HDHD2: variants seen among roughly 807,000 people sequenced by gnomAD.
HDHD2 encodes the protein haloacid dehalogenase like hydrolase domain containing 2.
In HDHD2, 26 loss-of-function variants were observed where a neutral mutation model predicts 24.8. The observed-to-expected ratio is 1.05, with a 90% CI of 0.77 to 1.45. HDHD2 has a LOEUF of 1.45. Ranked by LOEUF, HDHD2 falls within the 40% of genes most tolerant of loss-of-function variation. The pLI is 0.00. For missense variants in HDHD2, 299 were observed against 313.4 expected, an observed-to-expected ratio of 0.95 and a Z score of 0.35; for synonymous variants, 128 against 114.9, an observed-to-expected ratio of 1.11 and a Z score of -0.73.
At chr18:47,139,978 C>T (rs747981000) in intron 1 of HDHD2, among the ~76,000 whole-genome samples, 1 of 152,166 alleles carries the variant, frequency 6.6e-6, no homozygotes, top group Non-Finnish European at 1.5e-5. Flanking sequence ...TTGCTGAAGC[C>T]TCCTGTAAGA....
Position 47,114,245 on chromosome 18 carries a change from G to T in HDHD2, c.612+887C>A, listed in dbSNP as rs147816268. On this transcript the variant is annotated intron_variant, in intron 5 of 6. Coordinates refer to ENST00000300605, the MANE Select transcript of HDHD2 (RefSeq NM_032124.5). ...TAGAAACAGAAGATAAAATCAGGAGGACTGTGATACACATTTCCACCATCA... is the reference window on the plus strand; with the variant it reads ...TAGAAACAGAAGATAAAATCAGGAGTACTGTGATACACATTTCCACCATCA... Among the ~76,000 whole-genome samples, 9 of 152,298 alleles carry T rather than the reference G, an allele frequency of 5.9e-5. No individual in the cohort carries two copies. The East Asian group carries it at 1.7e-3, about 29-fold the overall frequency.
rs139760874 is a variant in HDHD2 at position 47,129,216 on chromosome 18, A to T, written c.395+1028T>A. 7.8e-4 allele frequency among the ~76,000 whole-genome samples: 119 copies of T among 152,362 alleles called. No individual in the cohort carries two copies. The East Asian group carries it at 0.022, about 28-fold the overall frequency. On this transcript the variant is annotated intron_variant, in intron 4 of 6. Transcript: ENST00000300605. ...AAAAGTCACAATCTCATTCTACGGC[A>T]GATCTGCAGGTAAATTCTGATCCAA...
intron 2 of HDHD2, among the ~76,000 whole-genome samples, chr18:47,135,473 C>A (rs756453968): frequency 1.6e-4 from 24 of 152,174 alleles, no homozygotes; most frequent in Non-Finnish European, 3.1e-4. Flanking sequence ...GTCGGTCAGG[C>A]TGGTCTCGAA....
chr18:47,128,477 G>GTC (rs1403548658), intron 4 of HDHD2, among the ~76,000 whole-genome samples: 2 of 152,216 alleles, frequency 1.3e-5, no homozygotes, highest in Non-Finnish European at 2.9e-5. Flanking sequence ...AGATGGCATA[G>GTC]TCTCTCCCTC....
At position 47,134,552 on chromosome 18, in the gene HDHD2, C is replaced by T. The variant is rs7230131; in HGVS notation, c.254G>A (p.Arg85Gln). Reference protein sequence around the residue: ...SLTAARSLLERKQVRPMLLVD... With the variant: ...SLTAARSLLEQKQVRPMLLVD... ...TAGCAGCATGGGTCTGACTTGTTTC[C>T]GCTCTAGTAAACTTCTGGCTGCAGT... is the stretch of plus-strand genomic sequence containing the variant. Residue 85 changes from arginine to glutamine, a missense_variant, in exon 3 of 7, where the codon CGG becomes CAG. Physicochemically the swap from Arg to Gln is conservative, Grantham distance 43. Transcript: ENST00000300605. 5.5e-3 allele frequency: 8,897 copies of T among 1,614,036 alleles called. 380 individuals carry two copies. The African/African-American group carries it at 0.1, about 18-fold the overall frequency.
intron 4 of HDHD2, among the ~76,000 whole-genome samples, chr18:47,127,703 T>G: frequency 6.8e-6 from 1 of 147,712 alleles, no homozygotes; most frequent in East Asian, 1.9e-4. Flanking sequence ...AGAGCGAGAC[T>G]TGGTCTCAAA....
Position 47,130,306 on chromosome 18 carries a change from A to G in HDHD2, c.333T>C (p.Asn111=), listed in dbSNP as rs1020845520. 1.2e-6 allele frequency: 2 copies of G among 1,603,072 alleles called. No homozygotes were observed. Among genetic ancestry groups the G allele is most frequent in the African/African-American group, 2.7e-5 (2 of 74,500 alleles). The change falls in exon 4 of 7, where the codon AAT becomes AAC. Residue 111 remains asparagine (N), a synonymous_variant. Coordinates refer to ENST00000300605, the MANE Select transcript of HDHD2 (RefSeq NM_032124.5). ...CTGGTGCCAATCCCATGACCACAGCATTAGGATCACTTGTTTGTATTCCTG... is the reference window on the plus strand; with the variant it reads ...CTGGTGCCAATCCCATGACCACAGCGTTAGGATCACTTGTTTGTATTCCTG... The part of the protein sequence containing the change: ...DFKGIQTSDP[N]AVVMGLAPEH...
intron 1 of HDHD2, among the ~76,000 whole-genome samples, chr18:47,145,212 A>C (rs1486054798): frequency 6.6e-6 from 1 of 152,242 alleles, no homozygotes; most frequent in Non-Finnish European, 1.5e-5. Context: ...ACTCAGATTC[A>C]ATGCAACTCC....
chr18:47,110,520 T>C, intron 6 of HDHD2: 1 of 985,282 alleles, frequency 1.0e-6, no homozygotes, highest in Non-Finnish European at 1.2e-6. Flanking sequence ...GACAAATAAA[T>C]AAGCTTCCTA....
Position 47,115,356 on chromosome 18 carries a change from G to GAAC in HDHD2, c.396-11_396-9dup. On this transcript the variant is annotated splice_polypyrimidine_tract_variant and intron_variant, in intron 4 of 6. Coordinates refer to ENST00000300605, the MANE Select transcript of HDHD2 (RefSeq NM_032124.5). ...GCTCCATCCAGGAGTAACCTAGAGA[G>GAAC]AACAACAACAAAAAAAACAAATTGG... 1 of 1,600,642 alleles carries GAAC rather than the reference G, an allele frequency of 6.2e-7. No homozygotes were observed. The highest frequency in any genetic ancestry group is 1.1e-5 in the South Asian group (1 of 88,928).
chr18:47,131,064 C>T (rs748301166), intron 3 of HDHD2, among the ~76,000 whole-genome samples: 2 of 152,114 alleles, frequency 1.3e-5, no homozygotes, highest in Non-Finnish European at 2.9e-5. Flanking sequence ...ACAACCTCCG[C>T]CTCCCAGGTT....
At chr18:47,129,159 A>C (rs1291427544) in intron 4 of HDHD2, among the ~76,000 whole-genome samples, 1 of 152,220 alleles carries the variant, frequency 6.6e-6, no homozygotes, top group Non-Finnish European at 1.5e-5. Context: ...AAGAAATAAA[A>C]GGCAAGACAT....
intron 4 of HDHD2, among the ~76,000 whole-genome samples, chr18:47,120,914 G>A (rs2063599841): frequency 6.6e-6 from 1 of 152,148 alleles, no homozygotes; most frequent in African/African-American, 2.4e-5. Flanking sequence ...GGCATGGTTT[G>A]TGGCTGCCCA....
intron 4 of HDHD2, among the ~76,000 whole-genome samples, chr18:47,123,605 A>G (rs1283239243): frequency 6.6e-6 from 1 of 152,126 alleles, no homozygotes; most frequent in Non-Finnish European, 1.5e-5. Flanking sequence ...CAAAAACAAA[A>G]ATACAATTTA....
At position 47,116,939 on chromosome 18, in the gene HDHD2, T is replaced by C. The variant is rs151125320; in HGVS notation, c.396-1591A>G. On this transcript the variant is annotated intron_variant, in intron 4 of 6. Transcript: ENST00000300605. ...TGTACTTAATTCCCAGGCAGTACTT[T>C]AGTGCCTTCCCTGGAAGAGGTGAAA... Among the ~76,000 whole-genome samples the C allele has an allele frequency of 4.0e-3, 605 of 152,352 alleles. 1 individual carries two copies. The highest frequency in any genetic ancestry group is 0.014 in the African/African-American group (568 of 41,592).
intron 1 of HDHD2, among the ~76,000 whole-genome samples, chr18:47,140,595 T>G (rs2063810975): frequency 6.6e-6 from 1 of 152,182 alleles, no homozygotes; most frequent in African/African-American, 2.4e-5. Context: ...CACAGCTCAC[T>G]GCAGCCTCGA....
rs765262365 is a variant in HDHD2 at position 47,113,050 on chromosome 18, C to A, written c.613-10G>T. On this transcript the variant is annotated splice_polypyrimidine_tract_variant and intron_variant, in intron 5 of 6. Coordinates refer to ENST00000300605, the MANE Select transcript of HDHD2 (RefSeq NM_032124.5). ...CATCATCCCTGCAATCCTAGAAAAGCATAAAGAAAGCATTTAGTCCAGTGT... is the reference window on the plus strand; with the variant it reads ...CATCATCCCTGCAATCCTAGAAAAGAATAAAGAAAGCATTTAGTCCAGTGT... 9.9e-6 allele frequency: 16 copies of A among 1,613,594 alleles called. No homozygotes were observed. The Admixed American group carries it at 1.8e-4, about 18-fold the overall frequency.
chr18:47,122,805 T>A lies in HDHD2; in HGVS notation c.395+7439A>T, dbSNP rs554068657. Among the ~76,000 whole-genome samples, 7 of 151,880 alleles carry A rather than the reference T, an allele frequency of 4.6e-5. No individual in the cohort carries two copies. The South Asian group carries it at 1.2e-3, about 27-fold the overall frequency. ...AATAAAAATCTACGAATACTACACA[T>A]CCAAAGTGAAAGATGAAATGAAAAA... On this transcript the variant is annotated intron_variant, in intron 4 of 6. Coordinates refer to ENST00000300605, the MANE Select transcript of HDHD2 (RefSeq NM_032124.5).
chr18:47,136,229 G>C (rs1459771971), intron 2 of HDHD2, 110 bp downstream of exon 2: 3 of 1,344,812 alleles, frequency 2.2e-6, no homozygotes, highest in Non-Finnish European at 3.0e-6. Context: ...TCCTATATAT[G>C]GTTAAGATGG....
Sources: gnomAD v4.1 joint callset for allele counts (sites outside exome capture counted in the v4.1 genomes callset) on GRCh38, gnomAD v4.1.1 for gene constraint, MANE v1.5 for transcripts, NCBI Gene and HGNC (gene_info 2026-07-23, HGNC 2026-07-21) for gene names.